TECPR2: variants seen among roughly 807,000 people sequenced by gnomAD.
The protein encoded by TECPR2 is tectonin beta-propeller repeat containing 2.
TECPR2 carries 65 observed loss-of-function variants against 138.1 expected under a neutral mutation model. The observed-to-expected ratio is 0.47, with a 90% CI of 0.39 to 0.58. The LOEUF (loss-of-function observed/expected upper bound fraction) is 0.58. TECPR2 is among the 20% of genes least tolerant of loss of function. The probability of loss-of-function intolerance (pLI) is 0.00; values close to 1 mark genes in which losing one functional copy is unlikely to be tolerated. For synonymous variants in TECPR2, 746 were observed against 749.8 expected (o/e 0.99, Z 0.08); for missense variants, 1,553 against 1,824.5 (o/e 0.85, Z 2.71).
intron 9 of TECPR2, among the ~76,000 whole-genome samples, chr14:102,437,504 A>T (rs1251108746): frequency 6.6e-6 from 1 of 152,038 alleles, no homozygotes; most frequent in African/African-American, 2.4e-5. Flanking sequence ...CAGTGAGCCG[A>T]GATTGTGCCC....
chr14:102,497,264 G>GGACAAGCCTCCCATCATGTTCC, intron 18 of TECPR2, 144 bp downstream of exon 18: 1 of 1,360,576 alleles, frequency 7.3e-7, no homozygotes, highest in Admixed American at 2.8e-5. Flanking sequence ...CTGGGCCAGG[G>GGACAAGCCTCCCATCATGTTCC]GACAAGCCTC....
At chr14:102,394,191 G>A (rs904582635) in intron 2 of TECPR2, among the ~76,000 whole-genome samples, 2 of 152,000 alleles carry the variant, frequency 1.3e-5, no homozygotes, top group Admixed American at 6.6e-5. Context: ...ATCCTCTATC[G>A]CCAAGTCCTT....
In TECPR2 at chr14:102,414,812, C is replaced by T; in HGVS notation, c.638+19C>T. 6.2e-7 allele frequency: 1 copy of T among 1,612,932 alleles called. No individual in the cohort carries two copies. The highest frequency in any genetic ancestry group is 8.5e-7 in the Non-Finnish European group (1 of 1,179,336). ...GGAAAAGGTAAGTTTCACAAGTTTGCCAGTTTGGCCTAAATGCTGGGCCTT... is the reference window on the plus strand; with the variant it reads ...GGAAAAGGTAAGTTTCACAAGTTTGTCAGTTTGGCCTAAATGCTGGGCCTT... On this transcript the variant is annotated intron_variant, in intron 5 of 19. Transcript: ENST00000359520.
chr14:102,375,345 C>CAA (rs372672741), intron 1 of TECPR2, among the ~76,000 whole-genome samples: 1,901 of 147,854 alleles, frequency 0.013, 44 homozygotes, highest in African/African-American at 0.044. Context: ...GACTGTGTCT[C>CAA]AAAAAAAAAG....
chr14:102,439,052 C>T (rs1003472174), intron 10 of TECPR2, among the ~76,000 whole-genome samples: 13 of 151,804 alleles, frequency 8.6e-5, no homozygotes, highest in Admixed American at 2.6e-4. Flanking sequence ...TTTTAGTGGA[C>T]ACGGGGTTTC....
chr14:102,428,127 C>A, intron 6 of TECPR2, 123 bp from the exon 7 acceptor site: 1 of 1,269,598 alleles, frequency 7.9e-7, no homozygotes. Context: ...AGAAAGTTAC[C>A]ATAGTAAAGT....
chr14:102,470,639 CT>C (rs200949179), intron 17 of TECPR2, among the ~76,000 whole-genome samples: 170 of 136,000 alleles, frequency 1.3e-3, no homozygotes, highest in East Asian at 2.5e-3. Flanking sequence ...TCTTCTTCTT[CT>C]TTTTTTTTTT....
intron 11 of TECPR2, among the ~76,000 whole-genome samples, chr14:102,442,428 C>G (rs1889860298): frequency 6.6e-6 from 1 of 152,262 alleles, no homozygotes; most frequent in African/African-American, 2.4e-5. Flanking sequence ...GCCCAGGTCT[C>G]TCCAGCCTAG....
intron 8 of TECPR2, among the ~76,000 whole-genome samples, chr14:102,433,263 T>C (rs1382030517): frequency 6.6e-6 from 1 of 151,886 alleles, no homozygotes; most frequent in African/African-American, 2.4e-5. Flanking sequence ...ACCCAGGTAG[T>C]GAGCACAGTA....
intron 16 of TECPR2, among the ~76,000 whole-genome samples, chr14:102,462,398 A>G (rs1394256121): frequency 3.3e-5 from 5 of 152,198 alleles, no homozygotes; most frequent in Admixed American, 1.3e-4. Context: ...AAGGAAGGAG[A>G]AAATACAGTT....
chr14:102,467,346 C>T (rs1393326154), intron 17 of TECPR2, among the ~76,000 whole-genome samples: 1 of 141,872 alleles, frequency 7.0e-6, no homozygotes, highest in Non-Finnish European at 1.5e-5. Context: ...TTTTTTGAGC[C>T]AGAGTTTCGC....
intron 17 of TECPR2, among the ~76,000 whole-genome samples, chr14:102,480,228 T>A (rs1425216191): frequency 6.6e-6 from 1 of 151,798 alleles, no homozygotes; most frequent in African/African-American, 2.4e-5. Context: ...TTTTTTTTTT[T>A]TTATTGATTT....
chr14:102,476,792 T>C (rs575857196), intron 17 of TECPR2, among the ~76,000 whole-genome samples: 180 of 152,334 alleles, frequency 1.2e-3, no homozygotes, highest in African/African-American at 4.0e-3. Context: ...CAGTGGCTCA[T>C]GCCTGTAATC....
chr14:102,454,069 C>T (rs993774632), intron 16 of TECPR2, among the ~76,000 whole-genome samples: 1 of 151,758 alleles, frequency 6.6e-6, no homozygotes, highest in African/African-American at 2.4e-5. Flanking sequence ...ACGAGAATCA[C>T]TTGAACTTGG....
Position 102,452,456 on chromosome 14 carries a change from C to G in TECPR2, c.3469C>G (p.Gln1157Glu). The stretch of plus-strand genomic sequence containing the variant: ...GTGCAGCGTCAGCGCCCAGAGCGCA[C>G]AGTCGCGGCCCTCCACGGTGCAGCT... ...DLCSVSAQSAQSRPSTVQLPP... is the reference protein window; with the variant it reads ...DLCSVSAQSAESRPSTVQLPP... Residue 1157 changes from glutamine to glutamate, a missense_variant, in exon 16 of 20, where the codon CAG (glutamine) becomes GAG (glutamate). Gln to Glu is a conservative substitution (Grantham distance 29). Transcript: ENST00000359520. The G allele has an allele frequency of 6.2e-7, 1 of 1,613,700 alleles. No homozygotes were observed.
chr14:102,435,331 A>C (rs1889635738), intron 9 of TECPR2, 120 bp downstream of exon 9: 1 of 1,397,936 alleles, frequency 7.2e-7, no homozygotes, highest in Non-Finnish European at 9.5e-7. Context: ...CAAAATCCGT[A>C]GGCCAACTCT....
chr14:102,455,592 C>T (rs763348370), intron 16 of TECPR2, among the ~76,000 whole-genome samples: 1 of 152,114 alleles, frequency 6.6e-6, no homozygotes, highest in Admixed American at 6.5e-5. Flanking sequence ...GGACCACAGA[C>T]ATGTGCCACC....
At position 102,460,697 on chromosome 14, in the gene TECPR2, A is replaced by ATT. The variant is rs552167034; in HGVS notation, c.3641-4430_3641-4429dup. Among the ~76,000 whole-genome samples, 323 of 140,198 alleles carry ATT rather than the reference A, an allele frequency of 2.3e-3. 4 individuals carry two copies. Among genetic ancestry groups the ATT allele is most frequent in the Middle Eastern group, 3.9e-3 (1 of 256 alleles). 92.0% of individuals were successfully genotyped at this position (140,198 alleles called of 152,430 possible). On this transcript the variant is annotated intron_variant, in intron 16 of 19. Coordinates refer to ENST00000359520, the MANE Select transcript of TECPR2 (RefSeq NM_014844.5). ...ATAATGAACATGATTTCTACCTTTA[A>ATT]TTTTTTTTTTTTTTTGAGACGGAGT...
At chr14:102,478,057 G>GT (rs1555454462) in intron 17 of TECPR2, among the ~76,000 whole-genome samples, 1 of 147,648 alleles carries the variant, frequency 6.8e-6, no homozygotes, top group Non-Finnish European at 1.5e-5. Context: ...GCCTGTTTTT[G>GT]TTTTTTAGAG....
Sources: allele counts gnomAD v4.1 joint callset (sites outside exome capture counted in the v4.1 genomes callset), GRCh38; gene constraint gnomAD v4.1.1; transcripts MANE v1.5; gene names NCBI Gene and HGNC (gene_info 2026-07-23, HGNC 2026-07-21).